The following NALCN variants were observed in gnomAD, a reference collection of about 807,000 sequenced individuals.
The protein encoded by NALCN is sodium leak channel NALCN.
A neutral mutation model predicts 225.3 loss-of-function variants in NALCN; 111 were observed. The ratio of observed to expected loss-of-function variants is 0.49; its 90% CI spans 0.42 to 0.58. The LOEUF (loss-of-function observed/expected upper bound fraction) is 0.58. NALCN is among the 20% of genes least tolerant of loss of function. The pLI is 0.00. For synonymous variants in NALCN, 764 were observed against 769.0 expected (o/e 0.99, Z 0.11); for missense variants, 1,378 against 2,202.4 (o/e 0.63, Z 7.49).
At chr13:101,197,512 T>G (rs567527904) in intron 13 of NALCN, among the ~76,000 whole-genome samples, 1 of 152,292 alleles carries the variant, frequency 6.6e-6, no homozygotes, top group East Asian at 1.9e-4. Flanking sequence ...AACCTATACA[T>G]GTAAGTATGA....
intron 37 of NALCN, among the ~76,000 whole-genome samples, chr13:101,071,444 T>C (rs2032879449): frequency 6.6e-6 from 1 of 152,240 alleles, no homozygotes; most frequent in South Asian, 2.1e-4. Flanking sequence ...ACAGCTTTTA[T>C]ATCAGCAGCA....
At chr13:101,412,406 G>A (rs2047815178) in intron 1 of NALCN, among the ~76,000 whole-genome samples, 1 of 152,172 alleles carries the variant, frequency 6.6e-6, no homozygotes, top group African/African-American at 2.4e-5. Flanking sequence ...TGGCTTCAGT[G>A]TTCTGGTCTA....
intron 18 of NALCN, among the ~76,000 whole-genome samples, chr13:101,114,302 A>T (rs1343429527): frequency 6.6e-6 from 1 of 152,156 alleles, no homozygotes; most frequent in Non-Finnish European, 1.5e-5. Context: ...AGTAAAGATG[A>T]TTATGAATGT....
intron 3 of NALCN, among the ~76,000 whole-genome samples, chr13:101,393,537 A>G (rs531083584): frequency 6.6e-6 from 1 of 152,310 alleles, no homozygotes; most frequent in Non-Finnish European, 1.5e-5. Context: ...AACTTAGTGG[A>G]CTTACAGAGA....
At chr13:101,293,439 T>C (rs1349846684) in intron 7 of NALCN, among the ~76,000 whole-genome samples, 2 of 152,326 alleles carry the variant, frequency 1.3e-5, no homozygotes, top group South Asian at 2.1e-4. Flanking sequence ...AAGTTGTTTA[T>C]AAAATAAATA....
rs1282312684 is a variant in NALCN, at chr13:101,080,615, A to AAATAATT, written c.3885+911_3885+912insAATTATT. Among the ~76,000 whole-genome samples the AAATAATT allele has an allele frequency of 1.9e-4, 21 of 112,082 alleles. No individual in the cohort carries two copies. In the South Asian group the frequency reaches 5.0e-3, roughly 27 times the overall value. The allele number at this position is 112,082 out of a possible 152,430, so 73.5% of individuals were successfully genotyped here. On this transcript the variant is annotated intron_variant, in intron 34 of 43. Coordinates refer to ENST00000251127, the MANE Select transcript of NALCN (RefSeq NM_052867.4). ...TAATTATTAAATTAATTATATAATC[A>AAATAATT]ATTAAATTAATTATTTAATTAAATA...
At chr13:101,380,563 C>T (rs183000726) in intron 3 of NALCN, among the ~76,000 whole-genome samples, 202 of 152,236 alleles carry the variant, frequency 1.3e-3, no homozygotes, top group Middle Eastern at 6.8e-3. Context: ...TATATCATTA[C>T]CTCCTCTGAT....
At chr13:101,133,613 C>T (rs1594275787) in intron 17 of NALCN, among the ~76,000 whole-genome samples, 1 of 151,988 alleles carries the variant, frequency 6.6e-6, no homozygotes, top group South Asian at 2.1e-4. Context: ...TTCATGCACC[C>T]GTGAATTCAT....
intron 9 of NALCN, among the ~76,000 whole-genome samples, chr13:101,286,864 T>TACGCAC: frequency 6.8e-6 from 1 of 147,058 alleles, no homozygotes; most frequent in East Asian, 2.0e-4. Flanking sequence ...CCAGGTATTA[T>TACGCAC]ACACACACAC....
Position 101,376,608 on chromosome 13 carries a change from A to G in NALCN, c.644+92T>C, listed in dbSNP as rs571436878. The G allele has an allele frequency of 3.2e-5, 45 of 1,387,632 alleles. No individual in the cohort carries two copies. In the East Asian group the frequency reaches 1.0e-3, roughly 31 times the overall value. 86.0% of individuals were successfully genotyped at this position (1,387,632 alleles called of 1,614,324 possible). A position where few individuals can be genotyped will look rare whatever the true frequency, so the allele number is the denominator to read the frequency against. On this transcript the variant is annotated intron_variant, in intron 6 of 43. Coordinates refer to ENST00000251127, the MANE Select transcript of NALCN (RefSeq NM_052867.4). ...AACAAAGAGGACATAAGCACTGTTT[A>G]AAAAATCTGACATAGAGGTTATTCT...
chr13:101,334,473 C>G (rs1380562600), intron 7 of NALCN, among the ~76,000 whole-genome samples: 1 of 152,112 alleles, frequency 6.6e-6, no homozygotes, highest in Non-Finnish European at 1.5e-5. Context: ...TACATACATT[C>G]AAGAAGAGAA....
intron 18 of NALCN, chr13:101,116,693 T>C: frequency 2.6e-6 from 1 of 379,162 alleles, no homozygotes; most frequent in South Asian, 2.0e-5. Flanking sequence ...GTAATTACCA[T>C]CTAAAGGAAC....
intron 2 of NALCN, among the ~76,000 whole-genome samples, chr13:101,397,802 C>T (rs2047359535): frequency 6.6e-6 from 1 of 151,870 alleles, no homozygotes; most frequent in African/African-American, 2.4e-5. Flanking sequence ...TATTTACATA[C>T]AAATATAAAA....
At chr13:101,226,711 A>T (rs1220414786) in intron 13 of NALCN, among the ~76,000 whole-genome samples, 1 of 152,042 alleles carries the variant, frequency 6.6e-6, no homozygotes, top group Non-Finnish European at 1.5e-5. Context: ...TCCCCACCCT[A>T]GACATGGTGC....
chr13:101,160,164 C>G (rs1010683609), intron 15 of NALCN, among the ~76,000 whole-genome samples: 1 of 152,114 alleles, frequency 6.6e-6, no homozygotes, highest in African/African-American at 2.4e-5. Context: ...CCATGTTAGC[C>G]AGGATGGTCT....
chr13:101,252,793 G>A (rs1332197655), intron 11 of NALCN, among the ~76,000 whole-genome samples: 1 of 152,100 alleles, frequency 6.6e-6, no homozygotes, highest in Non-Finnish European at 1.5e-5. Context: ...ATAATGCTAG[G>A]GGGTGACACA....
At chr13:101,286,064 G>A (rs182433117) in intron 9 of NALCN, among the ~76,000 whole-genome samples, 3 of 152,210 alleles carry the variant, frequency 2.0e-5, no homozygotes, top group Admixed American at 2.0e-4. Context: ...TATGAAATAA[G>A]TAAAGGAAAT....
At chr13:101,180,217 T>C (rs1236403397) in intron 14 of NALCN, among the ~76,000 whole-genome samples, 2 of 148,264 alleles carry the variant, frequency 1.3e-5, no homozygotes, top group Non-Finnish European at 3.0e-5. Flanking sequence ...TTTTTTTTTT[T>C]TTTTTTTGAG....
chr13:101,070,134 T>C (rs2032757461), intron 37 of NALCN, among the ~76,000 whole-genome samples: 1 of 137,514 alleles, frequency 7.3e-6, no homozygotes, highest in South Asian at 2.5e-4. Flanking sequence ...TGGTGCAATC[T>C]CCGCTCACTG....
Sources: allele counts gnomAD v4.1 joint callset (sites outside exome capture counted in the v4.1 genomes callset), GRCh38; gene constraint gnomAD v4.1.1; transcripts MANE v1.5; gene names NCBI Gene and HGNC (gene_info 2026-07-23, HGNC 2026-07-21).